Variants in HAUS8 observed in about 807,000 individuals in gnomAD.
The protein encoded by HAUS8 is HAUS augmin-like complex subunit 8.
In HAUS8, 38 loss-of-function variants were observed where a neutral mutation model predicts 42.9. That is an observed-to-expected ratio of 0.89 (90% confidence interval 0.68 to 1.16). The LOEUF (loss-of-function observed/expected upper bound fraction) is 1.16, where lower values mean the gene tolerates loss of function less well. Ranked by LOEUF, HAUS8 falls within the 50% of genes most tolerant of loss-of-function variation. HAUS8 has a pLI of 0.00. For missense variants in HAUS8, 494 were observed against 511.6 expected (o/e 0.97, Z 0.33); for synonymous variants, 199 against 205.8 (o/e 0.97, Z 0.28).
chr19:17,069,173 T>C, intron 2 of HAUS8, 87 bp from the exon 3 acceptor site: 2 of 1,161,080 alleles, frequency 1.7e-6, no homozygotes, highest in Non-Finnish European at 2.5e-6. Context: ...GAGACCCAGA[T>C]GCCAGGGGCC....
Position 17,065,324 on chromosome 19 carries a change from G to A in HAUS8, c.148-2545C>T, listed in dbSNP as rs79646355. ...TGGCTTGTAACTCCTATAAACCCTT[G>A]TTACAGTAAGCAGGATCTCTCTGAC... On this transcript the variant is annotated intron_variant, in intron 3 of 10. Transcript: ENST00000253669. 8.4e-3 allele frequency among the ~76,000 whole-genome samples: 1,278 copies of A among 152,220 alleles called. 8 individuals are homozygous for A. The highest frequency in any genetic ancestry group is 0.022 in the South Asian group (104 of 4,824).
chr19:17,058,847 C>G lies in HAUS8; in HGVS notation c.450G>C (p.Glu150Asp), dbSNP rs778802383. The G allele has an allele frequency of 1.1e-5, 18 of 1,613,306 alleles. No homozygotes were observed. Among genetic ancestry groups the G allele is most frequent in the Non-Finnish European group, 1.4e-5 (17 of 1,179,754 alleles). ...GTAGCGTCAGCAGTAGTGTCTGAGA[C>G]TCCATCATTTCCATTGCTTCAGATA... ...PDLSEAMEMM[E>D]SQTLLLTLLS... Residue 150 changes from glutamate to aspartate, a missense_variant, in exon 7 of 11, where the codon GAG becomes GAC. Transcript: ENST00000253669.
chr19:17,069,146 C>A (rs1399790551), intron 2 of HAUS8, 60 bp from the exon 3 acceptor site: 1 of 1,481,772 alleles, frequency 6.7e-7, no homozygotes, highest in Non-Finnish European at 9.3e-7. Context: ...CCCCACACAC[C>A]CAGACCCCAC....
rs762592900 is a variant in HAUS8, at chr19:17,050,215, C to G, written c.930-39G>C. On this transcript the variant is annotated intron_variant, in intron 10 of 10. Coordinates refer to ENST00000253669, the MANE Select transcript of HAUS8 (RefSeq NM_033417.2). ...GAGAAAGAATAACGGCTTTCACCCT[C>G]TGAGGTGAAGCGCATGTGTGTGGTG... is the stretch of plus-strand genomic sequence containing the variant. 9 of 1,431,054 alleles carry G rather than the reference C, an allele frequency of 6.3e-6. No homozygotes were observed. The East Asian group carries it at 2.3e-4, about 37-fold the overall frequency. 88.6% of individuals were successfully genotyped at this position (1,431,054 alleles called of 1,614,324 possible).
chr19:17,059,898 T>G, intron 5 of HAUS8, 99 bp downstream of exon 5: 1 of 841,306 alleles, frequency 1.2e-6, no homozygotes. Flanking sequence ...ATGGGTTTGT[T>G]GGATGTGACC....
At chr19:17,072,370 G>A (rs1285550084) in intron 2 of HAUS8, among the ~76,000 whole-genome samples, 2 of 122,168 alleles carry the variant, frequency 1.6e-5, no homozygotes, top group African/African-American at 3.3e-5. Context: ...TTGAGATGGA[G>A]TTTCGCTCGC....
At chr19:17,074,100 G>A (rs910394720) in intron 1 of HAUS8, 3 of 152,336 alleles carry the variant, frequency 2.0e-5, no homozygotes. Flanking sequence ...TGACTCATCA[G>A]CTGTGGGGGT....
chr19:17,066,576 C>T (rs899513830), intron 3 of HAUS8, among the ~76,000 whole-genome samples: 1 of 152,102 alleles, frequency 6.6e-6, no homozygotes, highest in Non-Finnish European at 1.5e-5. Flanking sequence ...GAGCCCTCAC[C>T]CTATAGGTTC....
chr19:17,075,398 C>T lies in HAUS8; in HGVS notation c.25G>A (p.Ala9Thr). The T allele has an allele frequency of 6.2e-7, 1 of 1,613,940 alleles. No homozygotes were observed. Among genetic ancestry groups the T allele is most frequent in the African/African-American group, 1.3e-5 (1 of 75,060 alleles). Reference protein sequence around the residue: MADSSGRGAGKPATGPTNS... With the variant: MADSSGRGTGKPATGPTNS... ...CCTGCGGAAGCCCCAACTCACCCAG[C>T]GCCTCGCCCCGAGGAATCCGCCATT... The change falls in exon 1 of 11, where the codon GCT becomes ACT. Residue 9 changes from alanine (A) to threonine (T), a missense_variant. Transcript: ENST00000253669.
rs766718576 is a variant in HAUS8 at position 17,075,451 on chromosome 19, C to G, written c.-29G>C. 1.2e-6 allele frequency: 2 copies of G among 1,613,156 alleles called. No homozygotes were observed. Among genetic ancestry groups the G allele is most frequent in the Admixed American group, 1.7e-5 (1 of 60,028 alleles). On this transcript the variant is annotated 5_prime_UTR_variant, in exon 1 of 11. Transcript: ENST00000253669. ...CCCGCCTTCCACCTCAAGGCCCGAC[C>G]CGCCGGCTTTTCAAAGCCGGACCCG...
At chr19:17,072,137 T>C (rs1194978090) in intron 2 of HAUS8, among the ~76,000 whole-genome samples, 2 of 152,164 alleles carry the variant, frequency 1.3e-5, no homozygotes, top group Non-Finnish European at 2.9e-5. Flanking sequence ...AATTTGGGAA[T>C]AAGTGGTCAG....
intron 9 of HAUS8, 57 bp from the exon 10 acceptor site, chr19:17,053,023 A>C: frequency 1.2e-6 from 2 of 1,607,220 alleles, no homozygotes; most frequent in Non-Finnish European, 1.7e-6. Flanking sequence ...CGCAAGGCAC[A>C]CACAAGTGGA....
intron 9 of HAUS8, 144 bp downstream of exon 9, chr19:17,055,717 A>G (rs1357239233): frequency 3.5e-6 from 3 of 845,198 alleles, no homozygotes. Flanking sequence ...CCTTGGAGGA[A>G]CCACAGCCTG....
intron 4 of HAUS8, among the ~76,000 whole-genome samples, chr19:17,060,965 T>G (rs994939411): frequency 1.3e-5 from 2 of 152,094 alleles, no homozygotes; most frequent in African/African-American, 4.8e-5. Context: ...AGGAAATGAA[T>G]GACCTGGAAA....
In HAUS8 at chr19:17,054,749, C is replaced by T. The variant is rs2057309458; in HGVS notation, c.787+1112G>A. ...CCAGGAGGTGGAGGTTGCAGAGAGCCAGGATTGCACCATTGCACTCCAGCC... is the reference window on the plus strand; with the variant it reads ...CCAGGAGGTGGAGGTTGCAGAGAGCTAGGATTGCACCATTGCACTCCAGCC... On this transcript the variant is annotated intron_variant, in intron 9 of 10. Transcript: ENST00000253669. 2.0e-5 allele frequency among the ~76,000 whole-genome samples: 3 copies of T among 151,550 alleles called. No individual in the cohort carries two copies. The South Asian group carries it at 6.2e-4, about 32-fold the overall frequency.
chr19:17,065,595 C>T (rs907493753), intron 3 of HAUS8, among the ~76,000 whole-genome samples: 12 of 151,918 alleles, frequency 7.9e-5, no homozygotes, highest in African/African-American at 2.4e-4. Context: ...TTTGAGAGGC[C>T]GAGGTGGGCA....
chr19:17,069,222 C>T (rs1347528785), intron 2 of HAUS8, 136 bp from the exon 3 acceptor site: 4 of 747,254 alleles, frequency 5.4e-6, no homozygotes, highest in Non-Finnish European at 9.5e-6. Flanking sequence ...GGTCACCACT[C>T]CTCCTGCTCG....
chr19:17,062,279 G>T (rs1388881670), intron 4 of HAUS8, among the ~76,000 whole-genome samples: 1 of 152,204 alleles, frequency 6.6e-6, no homozygotes, highest in Non-Finnish European at 1.5e-5. Context: ...TTATAGGCGT[G>T]TGCCATCATG....
In HAUS8 at chr19:17,052,878, G is replaced by A. The variant is rs1298720726; in HGVS notation, c.876C>T (p.Asp292=). 2 of 1,614,166 alleles carry A rather than the reference G, an allele frequency of 1.2e-6. No individual in the cohort carries two copies. Among genetic ancestry groups the A allele is most frequent in the East Asian group, 2.2e-5 (1 of 44,878 alleles). Residue 292 remains aspartate, a synonymous_variant, in exon 10 of 11, where the codon GAC becomes GAT. Transcript: ENST00000253669. ...GDSEENVQVL[D]LLSELKDVTA... ...TCACGTCCTTGAGTTCGCTCAGTAA[G>A]TCCAGCACCTGCACATTTTCTTCCG...
Sources: allele counts gnomAD v4.1 joint callset (sites outside exome capture counted in the v4.1 genomes callset), GRCh38; gene constraint gnomAD v4.1.1; transcripts MANE v1.5; gene names NCBI Gene and HGNC (gene_info 2026-07-23, HGNC 2026-07-21).